Variants in GALNTL6 observed in about 807,000 individuals in gnomAD.
GALNTL6 encodes the protein polypeptide N-acetylgalactosaminyltransferase like 6.
GALNTL6 carries 46 observed loss-of-function variants against 73.7 expected under a neutral mutation model. That is an observed-to-expected ratio of 0.62 (90% confidence interval 0.49 to 0.80). GALNTL6 has a LOEUF of 0.80. GALNTL6 is among the 30% of genes least tolerant of loss of function. The probability of loss-of-function intolerance (pLI) is 0.00; values close to 1 mark genes in which losing one functional copy is unlikely to be tolerated. For missense variants in GALNTL6, 604 were observed against 755.0 expected, an observed-to-expected ratio of 0.80 and a Z score of 2.34; for synonymous variants, 259 against 263.7, an observed-to-expected ratio of 0.98 and a Z score of 0.17.
chr4:172,473,311 A>G (rs532816141), intron 5 of GALNTL6, among the ~76,000 whole-genome samples: 1 of 152,286 alleles, frequency 6.6e-6, no homozygotes, highest in East Asian at 1.9e-4. Flanking sequence ...TTTAAAATCA[A>G]CAAACACACA....
chr4:172,030,998 G>A (rs1008980510), intron 2 of GALNTL6, among the ~76,000 whole-genome samples: 2 of 151,970 alleles, frequency 1.3e-5, no homozygotes, highest in Non-Finnish European at 2.9e-5. Context: ...TGAAATGTAT[G>A]CCCTCTTCCT....
intron 2 of GALNTL6, among the ~76,000 whole-genome samples, chr4:171,864,617 T>A (rs1735922817): frequency 6.6e-6 from 1 of 152,150 alleles, no homozygotes; most frequent in Non-Finnish European, 1.5e-5. Context: ...ATAATTAGGT[T>A]CATATTAGTC....
At chr4:172,543,974 T>G (rs1735665591) in intron 5 of GALNTL6, among the ~76,000 whole-genome samples, 1 of 152,208 alleles carries the variant, frequency 6.6e-6, no homozygotes, top group Admixed American at 6.5e-5. Flanking sequence ...ACCTTCCCTT[T>G]GATATCATTT....
At chr4:171,965,568 A>G (rs1247881875) in intron 2 of GALNTL6, among the ~76,000 whole-genome samples, 2 of 149,750 alleles carry the variant, frequency 1.3e-5, no homozygotes, top group East Asian at 4.1e-4. Flanking sequence ...AGGCAGGAGA[A>G]TGGCATGAAC....
At chr4:171,820,168 A>T (rs921042879) in intron 2 of GALNTL6, among the ~76,000 whole-genome samples, 1 of 152,202 alleles carries the variant, frequency 6.6e-6, no homozygotes, top group African/African-American at 2.4e-5. Flanking sequence ...TAAAGGTTGT[A>T]AAGAAGGACA....
At chr4:172,418,237 A>G (rs1195050891) in intron 5 of GALNTL6, among the ~76,000 whole-genome samples, 2 of 152,112 alleles carry the variant, frequency 1.3e-5, no homozygotes, top group Non-Finnish European at 2.9e-5. Context: ...TATTTTCAAG[A>G]TGTTTGCATT....
chr4:172,001,039 G>A (rs947511533), intron 2 of GALNTL6, among the ~76,000 whole-genome samples: 4 of 152,166 alleles, frequency 2.6e-5, no homozygotes, highest in South Asian at 2.1e-4. Flanking sequence ...TCTGGTCATA[G>A]CAATAGCAGT....
At chr4:171,965,167 A>G (rs1739349873) in intron 2 of GALNTL6, among the ~76,000 whole-genome samples, 1 of 152,198 alleles carries the variant, frequency 6.6e-6, no homozygotes, top group African/African-American at 2.4e-5. Context: ...CTCTAATAAT[A>G]GTTTTCCCAT....
intron 5 of GALNTL6, among the ~76,000 whole-genome samples, chr4:172,619,471 T>G (rs1738872049): frequency 6.6e-6 from 1 of 152,238 alleles, no homozygotes; most frequent in Non-Finnish European, 1.5e-5. Context: ...GTGTTAATAT[T>G]GATTCCCTCT....
chr4:172,674,946 C>A (rs185039169), intron 5 of GALNTL6, among the ~76,000 whole-genome samples: 4 of 152,102 alleles, frequency 2.6e-5, no homozygotes, highest in Non-Finnish European at 5.9e-5. Context: ...ATCTTCATTC[C>A]TATCTATATT....
intron 2 of GALNTL6, among the ~76,000 whole-genome samples, chr4:171,833,640 C>T (rs1735033067): frequency 6.6e-6 from 1 of 151,630 alleles, no homozygotes; most frequent in Admixed American, 6.6e-5. Flanking sequence ...TTCTGCTCTT[C>T]TGGTTTCTTA....
intron 2 of GALNTL6, among the ~76,000 whole-genome samples, chr4:171,824,102 T>C (rs900637701): frequency 6.9e-6 from 1 of 145,356 alleles, no homozygotes; most frequent in Admixed American, 6.9e-5. Flanking sequence ...TATATATATA[T>C]ATATATATGT....
At chr4:171,922,032 G>A (rs571827784) in intron 2 of GALNTL6, among the ~76,000 whole-genome samples, 9 of 151,728 alleles carry the variant, frequency 5.9e-5, no homozygotes, top group Non-Finnish European at 8.8e-5. Context: ...TACTATCCCT[G>A]CCATTAATTT....
chr4:171,923,246 G>T (rs1038036461), intron 2 of GALNTL6, among the ~76,000 whole-genome samples: 3 of 151,968 alleles, frequency 2.0e-5, no homozygotes, highest in Non-Finnish European at 4.4e-5. Flanking sequence ...TTGACTACTC[G>T]TTAGAGACAG....
chr4:171,904,449 G>T (rs1036812666), intron 2 of GALNTL6, among the ~76,000 whole-genome samples: 18 of 152,122 alleles, frequency 1.2e-4, no homozygotes, highest in Admixed American at 9.8e-4. Flanking sequence ...GGAGAAAAAA[G>T]AATAAAAAGA....
chr4:171,991,061 C>G (rs568978438), intron 2 of GALNTL6, among the ~76,000 whole-genome samples: 9 of 152,148 alleles, frequency 5.9e-5, no homozygotes, highest in Non-Finnish European at 1.3e-4. Flanking sequence ...TGAGAGACTT[C>G]AGCAATGTTG....
chr4:173,022,254 TACACATATTTGGCTC>T (rs896447824), intron 12 of GALNTL6, among the ~76,000 whole-genome samples: 6 of 152,072 alleles, frequency 3.9e-5, no homozygotes, highest in Non-Finnish European at 8.8e-5. Context: ...TAGTCATACA[TACACATATTTGGCTC>T]ACACATCTGG....
intron 5 of GALNTL6, among the ~76,000 whole-genome samples, chr4:172,636,636 A>T (rs1341466433): frequency 6.6e-6 from 1 of 152,200 alleles, no homozygotes; most frequent in African/African-American, 2.4e-5. Flanking sequence ...TCTTACCCAC[A>T]GCCTTCAAAA....
chr4:172,080,486 C>T (rs1731846764), intron 2 of GALNTL6, among the ~76,000 whole-genome samples: 1 of 151,952 alleles, frequency 6.6e-6, no homozygotes, highest in Admixed American at 6.6e-5. Context: ...TTTTTGATTA[C>T]CAGGTTTACA....
Sources: gnomAD v4.1 joint callset for allele counts (sites outside exome capture counted in the v4.1 genomes callset) on GRCh38, gnomAD v4.1.1 for gene constraint, MANE v1.5 for transcripts, NCBI Gene and HGNC (gene_info 2026-07-23, HGNC 2026-07-21) for gene names.